The following LIMD1 variants were observed in gnomAD, a reference collection of about 807,000 sequenced individuals.
LIMD1 encodes the protein LIM domain-containing protein 1.
LIMD1 carries 23 observed loss-of-function variants against 58.4 expected under a neutral mutation model. The observed-to-expected ratio is 0.39, with a 90% CI of 0.28 to 0.56. The LOEUF is 0.56. Among genes scored for constraint, LIMD1 ranks in the 20% least tolerant of loss-of-function variants. LIMD1 has a pLI of 0.57. For missense variants in LIMD1, 838 were observed against 855.5 expected, an observed-to-expected ratio of 0.98 and a Z score of 0.25; for synonymous variants, 334 against 345.5, an observed-to-expected ratio of 0.97 and a Z score of 0.37.
intron 1 of LIMD1, among the ~76,000 whole-genome samples, chr3:45,601,830 G>A (rs1459815212): frequency 3.3e-5 from 5 of 152,146 alleles, no homozygotes; most frequent in Non-Finnish European, 5.9e-5. Flanking sequence ...TCACGTCTGA[G>A]TGGATGCCTT....
chr3:45,674,570 G>A (rs1697642704), intron 7 of LIMD1, 159 bp downstream of exon 7: 1 of 608,030 alleles, frequency 1.6e-6, no homozygotes, highest in Non-Finnish European at 3.0e-6. Flanking sequence ...TCTTGGGGGA[G>A]GTAGGAGAAG....
chr3:45,621,908 CAA>C (rs1201266518), intron 1 of LIMD1, among the ~76,000 whole-genome samples: 1 of 151,888 alleles, frequency 6.6e-6, no homozygotes, highest in African/African-American at 2.4e-5. Context: ...ACTAAAAATA[CAA>C]AAGTTAGCCA....
intron 1 of LIMD1, among the ~76,000 whole-genome samples, chr3:45,620,575 G>A (rs1294603350): frequency 6.6e-6 from 1 of 151,976 alleles, no homozygotes; most frequent in African/African-American, 2.4e-5. Context: ...ATCACTTGAA[G>A]TCAGGTGTTT....
At chr3:45,618,898 G>A (rs1462272088) in intron 1 of LIMD1, among the ~76,000 whole-genome samples, 1 of 152,214 alleles carries the variant, frequency 6.6e-6, no homozygotes, top group Non-Finnish European at 1.5e-5. Context: ...AGCAAGAGTG[G>A]ACCCGAATTC....
In LIMD1 at chr3:45,677,078, A is replaced by G. The variant is rs2125671827; in HGVS notation, c.*19A>G. On this transcript the variant is annotated 3_prime_UTR_variant, in exon 8 of 8. Coordinates refer to ENST00000273317, the MANE Select transcript of LIMD1 (RefSeq NM_014240.3). ...CTTCTAGCCAGAGCCACTTGCAGACATCACGGCAGGGGATGAGGAGCCGGG... is the reference window on the plus strand; with the variant it reads ...CTTCTAGCCAGAGCCACTTGCAGACGTCACGGCAGGGGATGAGGAGCCGGG... 6.2e-7 allele frequency: 1 copy of G among 1,609,422 alleles called. No individual in the cohort carries two copies. Among genetic ancestry groups the G allele is most frequent in the African/African-American group, 1.3e-5 (1 of 74,992 alleles).
At chr3:45,652,232 A>T (rs999099604) in intron 2 of LIMD1, among the ~76,000 whole-genome samples, 11 of 152,192 alleles carry the variant, frequency 7.2e-5, no homozygotes, top group African/African-American at 2.7e-4. Flanking sequence ...CGGCCAGCCA[A>T]TGTATTGTTT....
At chr3:45,601,824 G>A (rs1036142236) in intron 1 of LIMD1, among the ~76,000 whole-genome samples, 4 of 152,152 alleles carry the variant, frequency 2.6e-5, no homozygotes, top group South Asian at 2.1e-4. Context: ...GGTCTCTCAC[G>A]TCTGAGTGGA....
At position 45,595,818 on chromosome 3, in the gene LIMD1, A is replaced by C. The variant is rs769796616; in HGVS notation, c.939A>C (p.Arg313Ser). ...LSCPRQGGLPRSNSGLGGEVS... is the reference protein window; with the variant it reads ...LSCPRQGGLPSSNSGLGGEVS... ...GCCCCAGGCAAGGAGGTCTTCCAAGATCAAACTCGGGGCTGGGGGGTGAGG... is the reference window on the plus strand; with the variant it reads ...GCCCCAGGCAAGGAGGTCTTCCAAGCTCAAACTCGGGGCTGGGGGGTGAGG... Residue 313 changes from arginine to serine, a missense_variant, in exon 1 of 8, where the codon AGA becomes AGC. Arg to Ser is a moderately radical substitution (Grantham distance 110, BLOSUM62 -1). Around this residue, in one of 3 missense-constraint regions of LIMD1, gnomAD observed 659 missense variants for 639.8 expected, o/e 1.03. Coordinates refer to ENST00000273317, the MANE Select transcript of LIMD1 (RefSeq NM_014240.3). 6.2e-7 allele frequency: 1 copy of C among 1,614,168 alleles called. No homozygotes were observed. The highest frequency in any genetic ancestry group is 8.5e-7 in the Non-Finnish European group (1 of 1,180,020).
intron 2 of LIMD1, among the ~76,000 whole-genome samples, chr3:45,660,455 A>G (rs1046087313): frequency 7.8e-6 from 1 of 128,288 alleles, no homozygotes; most frequent in African/African-American, 3.1e-5. Context: ...TCTCTCTGTC[A>G]TAAAGGCTAG....
chr3:45,616,643 A>G (rs935007244), intron 1 of LIMD1, among the ~76,000 whole-genome samples: 3 of 152,072 alleles, frequency 2.0e-5, no homozygotes, highest in Non-Finnish European at 4.4e-5. Context: ...TGCACAAGGT[A>G]GTTGTTCAGG....
intron 4 of LIMD1, among the ~76,000 whole-genome samples, chr3:45,668,709 C>T (rs1403900868): frequency 1.3e-5 from 2 of 150,572 alleles, no homozygotes; most frequent in East Asian, 1.9e-4. Flanking sequence ...GCCAAGATCA[C>T]GCCACTGCAC....
At chr3:45,657,678 C>G (rs534909548) in intron 2 of LIMD1, among the ~76,000 whole-genome samples, 13 of 152,300 alleles carry the variant, frequency 8.5e-5, no homozygotes, top group African/African-American at 2.9e-4. Flanking sequence ...ACAGTCTTCA[C>G]AGTCAGACAA....
chr3:45,642,234 G>C (rs978798431), intron 2 of LIMD1, among the ~76,000 whole-genome samples: 28 of 151,798 alleles, frequency 1.8e-4, no homozygotes, highest in African/African-American at 6.0e-4. Flanking sequence ...GGAGTGCAAT[G>C]GTGGGATCAC....
rs990964628 is a variant in LIMD1 at position 45,685,457 on chromosome 3, G to C, written c.*8398G>C. 2 of 152,200 alleles carry C rather than the reference G, an allele frequency of 1.3e-5. No individual in the cohort carries two copies. The highest frequency in any genetic ancestry group is 4.8e-5 in the African/African-American group (2 of 41,448). The allele number at this position is 152,200 out of a possible 1,614,324, so 9.4% of individuals were successfully genotyped here. A position where few individuals can be genotyped will look rare whatever the true frequency, so the allele number is the denominator to read the frequency against. On this transcript the variant is annotated 3_prime_UTR_variant, in exon 8 of 8. Coordinates refer to ENST00000273317, the MANE Select transcript of LIMD1 (RefSeq NM_014240.3). Reference sequence around the variant, plus strand: ...TTTCTTTTCCCCCTAAAGCCTATGAGACAGGCTGCAACTTAAACCCCTATT... The same window carrying C: ...TTTCTTTTCCCCCTAAAGCCTATGACACAGGCTGCAACTTAAACCCCTATT...
In LIMD1 at chr3:45,671,127, C is replaced by A. The variant is rs76429693; in HGVS notation, c.1642-1563C>A. On this transcript the variant is annotated intron_variant, in intron 4 of 7. Coordinates refer to ENST00000273317, the MANE Select transcript of LIMD1 (RefSeq NM_014240.3). ...GCCAAATGGGTTTTGGAAGCCCAGC[C>A]AGTTGTTCTTCCTGTTTTGCCTTAC... Among the ~76,000 whole-genome samples, 550 of 152,336 alleles carry A rather than the reference C, an allele frequency of 3.6e-3. 1 individual carries two copies. Among genetic ancestry groups the A allele is most frequent in the Non-Finnish European group, 6.1e-3 (417 of 68,040 alleles).
At chr3:45,612,207 C>T (rs551496129) in intron 1 of LIMD1, among the ~76,000 whole-genome samples, 7 of 152,224 alleles carry the variant, frequency 4.6e-5, no homozygotes, top group African/African-American at 1.7e-4. Flanking sequence ...ATCCCAGCCC[C>T]CCGAATAACT....
intron 1 of LIMD1, among the ~76,000 whole-genome samples, chr3:45,624,737 A>AC (rs1701654227): frequency 6.6e-6 from 1 of 151,486 alleles, no homozygotes; most frequent in African/African-American, 2.4e-5. Context: ...ACAAAACAAA[A>AC]CAAAAAAAAA....
intron 1 of LIMD1, among the ~76,000 whole-genome samples, chr3:45,631,181 T>A (rs1394170663): frequency 6.6e-6 from 1 of 151,898 alleles, no homozygotes; most frequent in East Asian, 1.9e-4. Flanking sequence ...CCAGCCTGGA[T>A]GACAGAGTGA....
chr3:45,594,801 A>ACACACACACACACACACACACACACAC lies in LIMD1; in HGVS notation c.-78_-52dup, dbSNP rs1701318460. Reference sequence around the variant, plus strand: ...TCAACACACACACACACACACACACACACACACACACACACACACACACAC... The same window carrying ACACACACACACACACACACACACACAC: ...TCAACACACACACACACACACACACACACACACACACACACACACACACACACCACACACACACACACACACACACAC... On this transcript the variant is annotated 5_prime_UTR_variant, in exon 1 of 8. Transcript: ENST00000273317. 10 of 172,318 alleles carry ACACACACACACACACACACACACACAC rather than the reference A, an allele frequency of 5.8e-5. No homozygotes were observed. Among genetic ancestry groups the ACACACACACACACACACACACACACAC allele is most frequent in the African/African-American group, 3.8e-4 (10 of 26,456 alleles). The allele number at this position is 172,318 out of a possible 1,614,324, so 10.7% of individuals were successfully genotyped here.
Sources: gnomAD v4.1 joint callset for allele counts (sites outside exome capture counted in the v4.1 genomes callset) on GRCh38, gnomAD v4.1.1 for gene constraint, gnomAD v4.1.1 regional missense constraint, MANE v1.5 for transcripts, NCBI Gene and HGNC (gene_info 2026-07-23, HGNC 2026-07-21) for gene names.